Variants in PAAF1 observed in about 807,000 individuals in gnomAD.
The protein encoded by PAAF1 is proteasomal ATPase-associated factor 1.
A neutral mutation model predicts 52.8 loss-of-function variants in PAAF1; 46 were observed. That is an observed-to-expected ratio of 0.87 (90% CI 0.69 to 1.11). PAAF1 has a LOEUF of 1.11. Among genes scored for constraint, PAAF1 ranks in the 50% most tolerant of loss-of-function variants. PAAF1 has a pLI of 0.00. For missense variants in PAAF1, 424 were observed against 477.4 expected (o/e 0.89, Z 1.04); for synonymous variants, 178 against 172.8 (o/e 1.03, Z -0.24).
At chr11:73,905,841 T>C (rs1036294013) in intron 6 of PAAF1, among the ~76,000 whole-genome samples, 1 of 152,170 alleles carries the variant, frequency 6.6e-6, no homozygotes, top group Admixed American at 6.5e-5. Flanking sequence ...ATTTTTTTTT[T>C]CCAAAAGCAT....
intron 3 of PAAF1, chr11:73,889,129 G>A: frequency 7.1e-7 from 1 of 1,400,560 alleles, no homozygotes; most frequent in Non-Finnish European, 9.8e-7. Context: ...CAGGTGTTTT[G>A]GCACAGCCTG....
At position 73,909,381 on chromosome 11, in the gene PAAF1, GT is replaced by G. The variant is rs749412406; in HGVS notation, c.533-11del. On this transcript the variant is annotated splice_polypyrimidine_tract_variant and intron_variant, in intron 6 of 11. Transcript: ENST00000310571. ...TTTACTCCATCCTCCATCTTAGGGA[GT>G]TTTTTTCTCTTGCTAGGTATCCTGG... 2.5e-5 allele frequency: 41 copies of G among 1,612,708 alleles called. No individual in the cohort carries two copies. In the East Asian group the frequency reaches 6.9e-4, roughly 27 times the overall value.
intron 1 of PAAF1, 111 bp from the exon 2 acceptor site, chr11:73,878,668 C>A: frequency 1.2e-6 from 1 of 844,842 alleles, no homozygotes; most frequent in Non-Finnish European, 2.0e-6. Flanking sequence ...TATCTCATGT[C>A]TAAGTACTAT....
At chr11:73,926,521 A>G (rs1950363682) in intron 11 of PAAF1, among the ~76,000 whole-genome samples, 1 of 152,134 alleles carries the variant, frequency 6.6e-6, no homozygotes. Context: ...CATCCTGGCC[A>G]ACACGGTGAA....
rs139355617 is a variant in PAAF1, at chr11:73,892,152, G to C, written c.282+951G>C. Among the ~76,000 whole-genome samples, 699 of 151,994 alleles carry C rather than the reference G, an allele frequency of 4.6e-3. 4 individuals carry two copies. The highest frequency in any genetic ancestry group is 0.016 in the African/African-American group (668 of 41,458). The stretch of plus-strand genomic sequence containing the variant: ...AGCCTGAGCAACATGGTGAAACTCT[G>C]TCTCTACAGAAAAATACAAAAATTA... On this transcript the variant is annotated intron_variant, in intron 4 of 11. Transcript: ENST00000310571.
At chr11:73,891,064 C>A in intron 3 of PAAF1, 48 bp from the exon 4 acceptor site, 2 of 1,094,448 alleles carry the variant, frequency 1.8e-6, no homozygotes, top group South Asian at 1.3e-5. Context: ...AATTATAATA[C>A]ATTGGAGGAG....
chr11:73,900,304 G>C lies in PAAF1; in HGVS notation c.416G>C (p.Cys139Ser), dbSNP rs2067912. ...VLEGHVFDVNCCRFFPSGLVV... is the reference protein window; with the variant it reads ...VLEGHVFDVNSCRFFPSGLVV... The stretch of plus-strand genomic sequence containing the variant: ...GAAGGACATGTGTTTGATGTGAATT[G>C]TTGCAGGTTTTTCCCATCAGGCCTT... Residue 139 changes from cysteine to serine, a missense_variant, in exon 6 of 12, where the codon TGT (cysteine) becomes TCT (serine). Cys to Ser is a moderately radical substitution (Grantham distance 112, BLOSUM62 -1). Transcript: ENST00000310571. The C allele has an allele frequency of 0.075, 120,356 of 1,611,344 alleles. 5,746 individuals are homozygous for C. Among genetic ancestry groups the C allele is most frequent in the South Asian group, 0.21 (18,630 of 90,804 alleles).
intron 6 of PAAF1, among the ~76,000 whole-genome samples, chr11:73,905,134 A>G (rs1256132848): frequency 6.6e-6 from 1 of 152,222 alleles, no homozygotes; most frequent in Non-Finnish European, 1.5e-5. Flanking sequence ...ATCTCAACAA[A>G]ACAAAACAAA....
intron 10 of PAAF1, among the ~76,000 whole-genome samples, chr11:73,923,681 A>G (rs1275960866): frequency 6.6e-6 from 1 of 152,138 alleles, no homozygotes; most frequent in Admixed American, 6.5e-5. Flanking sequence ...GATTACAGGC[A>G]TGCACTACCA....
chr11:73,903,543 C>T (rs890628098), intron 6 of PAAF1, among the ~76,000 whole-genome samples: 3 of 151,192 alleles, frequency 2.0e-5, no homozygotes, highest in African/African-American at 7.3e-5. Flanking sequence ...ATGGTGAAAC[C>T]CAGTCTCTAC....
intron 7 of PAAF1, among the ~76,000 whole-genome samples, chr11:73,911,561 G>C (rs1024947488): frequency 6.6e-6 from 1 of 151,404 alleles, no homozygotes; most frequent in African/African-American, 2.4e-5. Context: ...ACCCATTCTA[G>C]GATGGTTTGT....
rs557265097 is a variant in PAAF1, at chr11:73,921,983, G to A, written c.1019-2632G>A. On this transcript the variant is annotated intron_variant, in intron 10 of 11. Transcript: ENST00000310571. ...CACTCAGAAACGTAGACAGAGATAC[G>A]TATATCAAGGTCCTGTCAGCTTCAT... The A allele has an allele frequency of 4.8e-5, 40 of 834,372 alleles. No individual in the cohort carries two copies. The East Asian group carries it at 7.0e-4, about 15-fold the overall frequency. The allele number at this position is 834,372 out of a possible 1,614,324, so 51.7% of individuals were successfully genotyped here.
At chr11:73,895,586 A>G (rs1949321731) in intron 4 of PAAF1, among the ~76,000 whole-genome samples, 1 of 152,230 alleles carries the variant, frequency 6.6e-6, no homozygotes, top group African/African-American at 2.4e-5. Flanking sequence ...AGAACAAAGT[A>G]AAATGGAAAG....
intron 8 of PAAF1, among the ~76,000 whole-genome samples, 193 bp downstream of exon 8, chr11:73,914,697 C>CTTT (rs371949979): frequency 7.9e-6 from 1 of 126,988 alleles, no homozygotes; most frequent in Admixed American, 8.0e-5. Context: ...AATCCCAGTT[C>CTTT]TTTTTTTTTT....
intron 4 of PAAF1, among the ~76,000 whole-genome samples, chr11:73,897,450 G>T (rs1185916085): frequency 6.7e-6 from 1 of 149,552 alleles, no homozygotes; most frequent in African/African-American, 2.5e-5. Flanking sequence ...CAGGCAGAGG[G>T]TCTCCTCACT....
intron 8 of PAAF1, 92 bp downstream of exon 8, chr11:73,914,596 C>A: frequency 9.8e-7 from 1 of 1,023,472 alleles, no homozygotes; most frequent in Non-Finnish European, 1.5e-6. Context: ...CTACTTGCTC[C>A]CTGTGTTCAC....
Position 73,919,045 on chromosome 11 carries a change from G to T in PAAF1, c.1018+13G>T. 6.3e-7 allele frequency: 1 copy of T among 1,599,058 alleles called. No individual in the cohort carries two copies. Among genetic ancestry groups the T allele is most frequent in the East Asian group, 2.2e-5 (1 of 44,756 alleles). On this transcript the variant is annotated intron_variant, in intron 10 of 11. Transcript: ENST00000310571. ...ATTGCTAGCCAAGGTGGGTCCATGG[G>T]CCAATTGAGAGAGATGCTTCTCTGT...
chr11:73,908,495 C>T (rs1949839436), intron 6 of PAAF1, among the ~76,000 whole-genome samples: 1 of 151,278 alleles, frequency 6.6e-6, no homozygotes. Flanking sequence ...GCCTTGAACT[C>T]CAGGGCTCAA....
intron 6 of PAAF1, among the ~76,000 whole-genome samples, chr11:73,908,383 GTGTGTATATATATA>G (rs1565143899): frequency 1.7e-5 from 2 of 121,000 alleles, no homozygotes; most frequent in Admixed American, 1.6e-4. Context: ...GTATATATAT[GTGTGTATATATATA>G]TGTGTATATA....
Sources: allele counts gnomAD v4.1 joint callset (sites outside exome capture counted in the v4.1 genomes callset), GRCh38; gene constraint gnomAD v4.1.1; transcripts MANE v1.5; gene names NCBI Gene and HGNC (gene_info 2026-07-23, HGNC 2026-07-21).